SHC3: variants seen among roughly 807,000 people sequenced by gnomAD.
SHC3 encodes SHC-transforming protein 3.
A neutral mutation model predicts 60.4 loss-of-function variants in SHC3; 15 were observed. The ratio of observed to expected loss-of-function variants is 0.25; its 90% confidence interval spans 0.17 to 0.38. The LOEUF (loss-of-function observed/expected upper bound fraction) is 0.38. Ranked by LOEUF, SHC3 falls within the 10% of genes least tolerant of loss-of-function variation. The pLI is 1.00. For synonymous variants in SHC3, 294 were observed against 325.9 expected, an observed-to-expected ratio of 0.90 and a Z score of 1.05; for missense variants, 677 against 786.1, an observed-to-expected ratio of 0.86 and a Z score of 1.66.
chr9:89,118,344 A>T (rs1826046179), intron 1 of SHC3, among the ~76,000 whole-genome samples: 1 of 152,088 alleles, frequency 6.6e-6, no homozygotes, highest in Admixed American at 6.6e-5. Flanking sequence ...TGGAGCCCAG[A>T]AAATCTCCTA....
intron 2 of SHC3, among the ~76,000 whole-genome samples, chr9:89,091,225 G>A (rs1168138546): frequency 2.0e-5 from 3 of 152,134 alleles, no homozygotes; most frequent in African/African-American, 4.8e-5. Flanking sequence ...AAAACAACAA[G>A]GAAGAATAGC....
chr9:89,176,591 T>A (rs1038036547), intron 1 of SHC3, among the ~76,000 whole-genome samples: 1 of 152,372 alleles, frequency 6.6e-6, no homozygotes, highest in Admixed American at 6.5e-5. Context: ...GGTTTGTTTT[T>A]TTCTTTTTGT....
At chr9:89,173,575 A>G (rs1486429181) in intron 1 of SHC3, among the ~76,000 whole-genome samples, 4 of 152,278 alleles carry the variant, frequency 2.6e-5, no homozygotes, top group Non-Finnish European at 5.9e-5. Flanking sequence ...GACATTTCCT[A>G]TTTTCTAACA....
At chr9:89,091,076 C>T (rs1320897571) in intron 2 of SHC3, among the ~76,000 whole-genome samples, 8 of 152,154 alleles carry the variant, frequency 5.3e-5, no homozygotes, top group East Asian at 3.8e-4. Flanking sequence ...AAGGATGAAA[C>T]ATTATTATGA....
intron 1 of SHC3, among the ~76,000 whole-genome samples, chr9:89,164,191 A>G (rs538394643): frequency 9.2e-5 from 14 of 152,230 alleles, no homozygotes; most frequent in Middle Eastern, 3.4e-3. Flanking sequence ...CATCCAATTC[A>G]TCTTGGATTC....
intron 2 of SHC3, among the ~76,000 whole-genome samples, chr9:89,095,196 T>G (rs945510145): frequency 6.6e-6 from 1 of 152,100 alleles, no homozygotes; most frequent in South Asian, 2.1e-4. Flanking sequence ...TTCACACTGG[T>G]TAAAAGGTAG....
chr9:89,060,788 T>C (rs1048309920), intron 6 of SHC3, among the ~76,000 whole-genome samples: 1 of 152,024 alleles, frequency 6.6e-6, no homozygotes, highest in African/African-American at 2.4e-5. Flanking sequence ...GAGTGACTGA[T>C]GATTAATTAT....
chr9:89,105,393 G>T (rs559375183), intron 2 of SHC3, among the ~76,000 whole-genome samples: 116 of 152,192 alleles, frequency 7.6e-4, no homozygotes, highest in Non-Finnish European at 1.6e-3. Flanking sequence ...CACACAATCT[G>T]CCTCCCAAGG....
At chr9:89,046,641 AG>A (rs1263826767) in intron 8 of SHC3, among the ~76,000 whole-genome samples, 1 of 152,166 alleles carries the variant, frequency 6.6e-6, no homozygotes, top group African/African-American at 2.4e-5. Flanking sequence ...ACAGTTCCAA[AG>A]CATTTGGCCA....
At chr9:89,051,139 TAG>T (rs1824855252) in intron 7 of SHC3, among the ~76,000 whole-genome samples, 1 of 152,170 alleles carries the variant, frequency 6.6e-6, no homozygotes, top group African/African-American at 2.4e-5. Flanking sequence ...AGAACAAAGG[TAG>T]AGTCTGACTC....
intron 1 of SHC3, among the ~76,000 whole-genome samples, chr9:89,141,894 G>A (rs1405659703): frequency 1.3e-5 from 2 of 152,136 alleles, no homozygotes; most frequent in Admixed American, 6.5e-5. Flanking sequence ...GAAGAGGTCA[G>A]GGAGGCCAGA....
At chr9:89,014,818 T>C (rs1239617502) in intron 11 of SHC3, among the ~76,000 whole-genome samples, 5 of 152,084 alleles carry the variant, frequency 3.3e-5, no homozygotes, top group Non-Finnish European at 5.9e-5. Context: ...CCATCCCAAA[T>C]CTATACTTCA....
chr9:89,114,155 C>A (rs1407759365), intron 1 of SHC3, among the ~76,000 whole-genome samples: 4 of 152,144 alleles, frequency 2.6e-5, no homozygotes, highest in Non-Finnish European at 4.4e-5. Context: ...ATACCACCAC[C>A]ACCATGCTGT....
chr9:89,093,947 T>C (rs1313202911), intron 2 of SHC3, among the ~76,000 whole-genome samples: 1 of 151,578 alleles, frequency 6.6e-6, no homozygotes, highest in Non-Finnish European at 1.5e-5. Context: ...CTACTAAAAG[T>C]ACAAAAATTA....
At chr9:89,134,431 A>C (rs967513195) in intron 1 of SHC3, among the ~76,000 whole-genome samples, 3 of 152,112 alleles carry the variant, frequency 2.0e-5, no homozygotes, top group African/African-American at 7.2e-5. Context: ...AAAGCACAAC[A>C]GGATTTTCTC....
At chr9:89,055,772 C>T (rs1215649850) in intron 6 of SHC3, among the ~76,000 whole-genome samples, 1 of 152,242 alleles carries the variant, frequency 6.6e-6, no homozygotes, top group East Asian at 1.9e-4. Flanking sequence ...GCCCATCACA[C>T]CCACTGAATC....
chr9:89,072,758 A>T (rs556140137), intron 4 of SHC3, among the ~76,000 whole-genome samples: 1 of 152,332 alleles, frequency 6.6e-6, no homozygotes, highest in Admixed American at 6.5e-5. Context: ...AACCAGGTTT[A>T]GTTCTGCAGA....
At chr9:89,037,557 G>A in intron 11 of SHC3, 1 of 715,264 alleles carries the variant, frequency 1.4e-6, no homozygotes, top group East Asian at 2.7e-5. Context: ...CTTAGCAATG[G>A]GGGTTTCATT....
At chr9:89,037,865 C>T (rs1016553452) in intron 11 of SHC3, 128 bp downstream of exon 11, 33 of 1,229,672 alleles carry the variant, frequency 2.7e-5, no homozygotes, top group Non-Finnish European at 3.3e-5. Flanking sequence ...CCCTGCGTTC[C>T]CCTGGAGGAC....
Sources: allele counts gnomAD v4.1 joint callset (sites outside exome capture counted in the v4.1 genomes callset), GRCh38; gene constraint gnomAD v4.1.1; transcripts MANE v1.5; gene names NCBI Gene and HGNC (gene_info 2026-07-23, HGNC 2026-07-21).